SLC45A4: variants seen among roughly 807,000 people sequenced by gnomAD.
The protein encoded by SLC45A4 is polyamine-transporter SLC45A4.
In SLC45A4, 32 loss-of-function variants were observed where a neutral mutation model predicts 63.7. The observed-to-expected ratio is 0.50, with a 90% CI of 0.38 to 0.67. The LOEUF (loss-of-function observed/expected upper bound fraction) is 0.67, where lower values mean the gene tolerates loss of function less well. SLC45A4 is among the 30% of genes least tolerant of loss of function. The pLI is 0.00. For missense variants in SLC45A4, 1,027 were observed against 1,157.7 expected, an observed-to-expected ratio of 0.89 and a Z score of 1.64; for synonymous variants, 535 against 510.0, an observed-to-expected ratio of 1.05 and a Z score of -0.66.
rs1479742354 is a variant in SLC45A4, at chr8:141,227,346, G to T, written c.242-5581C>A. Among the ~76,000 whole-genome samples the T allele has an allele frequency of 1.3e-5, 2 of 152,170 alleles. No homozygotes were observed. The highest frequency in any genetic ancestry group is 2.9e-5 in the Non-Finnish European group (2 of 68,040). ...GGGGGGTGGGGAGGGCAAGGAGTGGGAAAGTCGCCTATAAATGTTTAACAA... is the reference window on the plus strand; with the variant it reads ...GGGGGGTGGGGAGGGCAAGGAGTGGTAAAGTCGCCTATAAATGTTTAACAA... On this transcript the variant is annotated intron_variant, in intron 2 of 8. Transcript: ENST00000517878. The surrounding 1 kb of genome is among the most constrained non-coding windows in gnomAD (Gnocchi z 4.4).
At chr8:141,283,365 C>A (rs73366492) in intron 1 of SLC45A4, among the ~76,000 whole-genome samples, 1 of 152,176 alleles carries the variant, frequency 6.6e-6, no homozygotes, top group African/African-American at 2.4e-5. Context: ...AACAGTCTCA[C>A]GTCCTGGGAA....
At chr8:141,271,807 CACA>C (rs375018068) in intron 1 of SLC45A4, among the ~76,000 whole-genome samples, 212 of 149,618 alleles carry the variant, frequency 1.4e-3, no homozygotes, top group African/African-American at 5.1e-3. Context: ...CAAGTGTGCA[CACA>C]ACACACACAC....
At position 141,219,687 on chromosome 8, in the gene SLC45A4, C is replaced by T. The variant is rs115384487; in HGVS notation, c.573G>A (p.Glu191=). The T allele has an allele frequency of 1.1e-3, 1,734 of 1,612,766 alleles. 21 individuals are homozygous for T. The African/African-American group carries it at 0.021, about 19-fold the overall frequency. ...AYLLDVVDSE[E]QDMALNIHAF... is the part of the protein sequence containing the mutation. Reference sequence around the variant, plus strand: ...CGTGGATGTTGAGGGCCATGTCCTGCTCCTCGCTGTCCACCACGTCCAGCA... The same window carrying T: ...CGTGGATGTTGAGGGCCATGTCCTGTTCCTCGCTGTCCACCACGTCCAGCA... The change falls in exon 4 of 9, where the codon GAG becomes GAA. Residue 191 remains glutamate (E), a synonymous_variant. Coordinates refer to ENST00000517878, the MANE Select transcript of SLC45A4 (RefSeq NM_001286646.2).
chr8:141,257,193 A>C (rs1457346929), intron 1 of SLC45A4, among the ~76,000 whole-genome samples: 1 of 152,212 alleles, frequency 6.6e-6, no homozygotes, highest in Non-Finnish European at 1.5e-5. Context: ...GAATAGTGTA[A>C]GAAACCACCC....
At position 141,256,696 on chromosome 8, in the gene SLC45A4, G is replaced by C. The variant is rs973289372; in HGVS notation, c.-400-2067C>G. On this transcript the variant is annotated intron_variant, in intron 1 of 8. Coordinates refer to ENST00000517878, the MANE Select transcript of SLC45A4 (RefSeq NM_001286646.2). The surrounding 1 kb of genome is among the most constrained non-coding windows in gnomAD (Gnocchi z 4.3). The stretch of plus-strand genomic sequence containing the variant: ...TTCAAGTGGTGCTACCTATGTATTT[G>C]CTTCTTACGTCCCCTGAACGTCGCT... 2.2e-6 allele frequency: 1 copy of C among 449,072 alleles called. No individual in the cohort carries two copies. Among genetic ancestry groups the C allele is most frequent in the African/African-American group, 2.0e-5 (1 of 49,950 alleles). 27.8% of individuals were successfully genotyped at this position (449,072 alleles called of 1,614,324 possible).
intron 2 of SLC45A4, among the ~76,000 whole-genome samples, chr8:141,244,935 G>A (rs947870348): frequency 1.5e-5 from 2 of 133,548 alleles, no homozygotes; most frequent in South Asian, 2.7e-4. Flanking sequence ...ACATCCCTGC[G>A]CATTCAGCAA....
rs192571012 is a variant in SLC45A4, at chr8:141,223,977, G to A, written c.242-2212C>T. On this transcript the variant is annotated intron_variant, in intron 2 of 8. Transcript: ENST00000517878. ...CTGACTTTTCATCTGATATCCCTTC[G>A]CTTAATCCTGAAGGATTTTCTGTAG... Among the ~76,000 whole-genome samples, 551 of 151,060 alleles carry A rather than the reference G, an allele frequency of 3.6e-3. 2 individuals carry two copies. The highest frequency in any genetic ancestry group is 0.014 in the Middle Eastern group (4 of 294).
chr8:141,261,585 A>C (rs1829039270), intron 1 of SLC45A4, among the ~76,000 whole-genome samples: 1 of 152,222 alleles, frequency 6.6e-6, no homozygotes, highest in African/African-American at 2.4e-5. Flanking sequence ...AATAACAGAC[A>C]AACAGAGAGC....
chr8:141,245,169 CAT>C (rs1165751134), intron 2 of SLC45A4, among the ~76,000 whole-genome samples: 1 of 152,138 alleles, frequency 6.6e-6, no homozygotes, highest in African/African-American at 2.4e-5. Context: ...CTAAGCACAT[CAT>C]ATGTGTCAAC....
At chr8:141,241,996 C>T (rs1157051996) in intron 2 of SLC45A4, among the ~76,000 whole-genome samples, 2 of 152,094 alleles carry the variant, frequency 1.3e-5, no homozygotes, top group Admixed American at 1.3e-4. Context: ...CGGGACAGCC[C>T]GAATCTCCAG....
rs571033362 is a variant in SLC45A4, at chr8:141,293,794, G to A, written c.-401+14302C>T. 4.6e-5 allele frequency among the ~76,000 whole-genome samples: 7 copies of A among 152,160 alleles called. No homozygotes were observed. In the East Asian group the frequency reaches 1.2e-3, roughly 25 times the overall value. ...CTAAAAGTACAAAAATCAGCTGGGCGTGGTGGTGCACACCTGTACTCCCAG... is the reference window on the plus strand; with the variant it reads ...CTAAAAGTACAAAAATCAGCTGGGCATGGTGGTGCACACCTGTACTCCCAG... On this transcript the variant is annotated intron_variant, in intron 1 of 8. Transcript: ENST00000517878.
intron 2 of SLC45A4, among the ~76,000 whole-genome samples, chr8:141,246,562 C>T (rs941655364): frequency 2.0e-5 from 3 of 152,406 alleles, no homozygotes; most frequent in African/African-American, 7.2e-5. Context: ...CAGGCGACAT[C>T]CCCTCGATGC....
In SLC45A4 at chr8:141,267,016, G is replaced by A. The variant is rs534375792; in HGVS notation, c.-400-12387C>T. 1.2e-3 allele frequency among the ~76,000 whole-genome samples: 183 copies of A among 152,364 alleles called. 1 individual carries two copies. The highest frequency in any genetic ancestry group is 4.1e-3 in the African/African-American group (169 of 41,592). ...GAGTAGGCACATAGTCAAGCAACAC[G>A]ACACAGCAAGGGAGCCCCAGGACAG... On this transcript the variant is annotated intron_variant, in intron 1 of 8. Transcript: ENST00000517878.
chr8:141,219,123 G>T, intron 4 of SLC45A4, 94 bp from the exon 5 acceptor site: 1 of 1,437,950 alleles, frequency 7.0e-7, no homozygotes, highest in Non-Finnish European at 9.4e-7. Flanking sequence ...AGGGGGCCGG[G>T]GCTGCCCTCA....
chr8:141,276,989 G>C (rs1268626017), intron 1 of SLC45A4, among the ~76,000 whole-genome samples: 2 of 152,250 alleles, frequency 1.3e-5, no homozygotes, highest in Non-Finnish European at 2.9e-5. Context: ...CCGCCTGTGA[G>C]CCAGCACAGG....
chr8:141,229,631 T>C lies in SLC45A4; in HGVS notation c.242-7866A>G, dbSNP rs1158366135. Among the ~76,000 whole-genome samples, 1 of 152,134 alleles carries C rather than the reference T, an allele frequency of 6.6e-6. No individual in the cohort carries two copies. Among genetic ancestry groups the C allele is most frequent in the Non-Finnish European group, 1.5e-5 (1 of 68,008 alleles). ...GTGACGGCACCCGCAGACCACGGCC[T>C]GCACCCATGGCAGAGACCCTGCTGC... On this transcript the variant is annotated intron_variant, in intron 2 of 8. Coordinates refer to ENST00000517878, the MANE Select transcript of SLC45A4 (RefSeq NM_001286646.2). The surrounding 1 kb of genome is among the most constrained non-coding windows in gnomAD (Gnocchi z 5.0).
At chr8:141,302,172 C>A (rs931612659) in intron 1 of SLC45A4, among the ~76,000 whole-genome samples, 2 of 152,166 alleles carry the variant, frequency 1.3e-5, no homozygotes, top group Admixed American at 1.3e-4. Flanking sequence ...CAACATTATA[C>A]TAGAAATTGC....
At chr8:141,296,500 TAA>T (rs35777679) in intron 1 of SLC45A4, among the ~76,000 whole-genome samples, 542 of 107,960 alleles carry the variant, frequency 5.0e-3, no homozygotes, top group Middle Eastern at 0.018. Context: ...CCTCATTTCT[TAA>T]AAAAAAAAAA....
At chr8:141,255,645 G>C (rs1411854278) in intron 1 of SLC45A4, among the ~76,000 whole-genome samples, 2 of 152,196 alleles carry the variant, frequency 1.3e-5, no homozygotes, top group African/African-American at 2.4e-5. Flanking sequence ...GAACCCGGGA[G>C]GTGGAAGTTG....
Sources: gnomAD v4.1 joint callset for allele counts (sites outside exome capture counted in the v4.1 genomes callset) on GRCh38, gnomAD v4.1.1 for gene constraint, Gnocchi (gnomAD v3.1) non-coding constraint, MANE v1.5 for transcripts, NCBI Gene and HGNC (gene_info 2026-07-23, HGNC 2026-07-21) for gene names.